Variants in MS4A8 observed in about 807,000 individuals in gnomAD.
The protein encoded by MS4A8 is membrane spanning 4-domains A8.
MS4A8 carries 27 observed loss-of-function variants against 23.7 expected under a neutral mutation model. The ratio of observed to expected loss-of-function variants is 1.14; its 90% confidence interval spans 0.84 to 1.57. MS4A8 has a LOEUF of 1.57. Ranked by LOEUF, MS4A8 falls within the 40% of genes most tolerant of loss-of-function variation. The pLI is 0.00. For missense variants in MS4A8, 301 were observed against 311.4 expected, an observed-to-expected ratio of 0.97 and a Z score of 0.25; for synonymous variants, 138 against 126.3, an observed-to-expected ratio of 1.09 and a Z score of -0.62.
chr11:60,707,805 T>A (rs989904447), intron 4 of MS4A8, among the ~76,000 whole-genome samples: 1 of 133,900 alleles, frequency 7.5e-6, no homozygotes, highest in Non-Finnish European at 1.5e-5. Flanking sequence ...TTTTTCTTTT[T>A]CTTTTTCTTT....
At position 60,715,295 on chromosome 11, in the gene MS4A8, G is replaced by A. The variant is rs775413775; in HGVS notation, c.649-15G>A. On this transcript the variant is annotated splice_polypyrimidine_tract_variant and intron_variant, in intron 6 of 6. Coordinates refer to ENST00000300226, the MANE Select transcript of MS4A8 (RefSeq NM_031457.2). ...GTCCTTCTTAGCATGCCCCCTGTGTGCCTGTGTTTTCCAGGTGAGTGTCAT... is the reference window on the plus strand; with the variant it reads ...GTCCTTCTTAGCATGCCCCCTGTGTACCTGTGTTTTCCAGGTGAGTGTCAT... The A allele has an allele frequency of 5.0e-6, 8 of 1,610,922 alleles. No homozygotes were observed. The South Asian group carries it at 5.5e-5, about 11-fold the overall frequency.
chr11:60,708,536 A>G, intron 4 of MS4A8, 114 bp from the exon 5 acceptor site: 5 of 1,104,388 alleles, frequency 4.5e-6, no homozygotes, highest in African/African-American at 1.6e-5. Flanking sequence ...TATGTTACAT[A>G]TATGTTAACA....
chr11:60,708,913 AC>A, intron 5 of MS4A8, 132 bp downstream of exon 5: 2 of 1,130,544 alleles, frequency 1.8e-6, no homozygotes, highest in South Asian at 2.7e-5. Context: ...CAGCATAGGA[AC>A]AAATTTTAAA....
chr11:60,713,391 A>AG (rs1435168251), intron 5 of MS4A8, among the ~76,000 whole-genome samples: 1 of 150,098 alleles, frequency 6.7e-6, no homozygotes, highest in Non-Finnish European at 1.5e-5. Context: ...CATGGGTAAT[A>AG]GGATAATAGT....
intron 3 of MS4A8, among the ~76,000 whole-genome samples, chr11:60,705,781 G>A (rs1030244011): frequency 2.6e-5 from 4 of 152,212 alleles, no homozygotes; most frequent in Admixed American, 2.0e-4. Flanking sequence ...TGAGGGTTAG[G>A]AACATGGAGT....
intron 5 of MS4A8, chr11:60,712,508 T>G: frequency 2.0e-6 from 2 of 985,050 alleles, no homozygotes; most frequent in Non-Finnish European, 2.4e-6. Context: ...ATTGAGATAA[T>G]TGAGGCCGGT....
intron 2 of MS4A8, among the ~76,000 whole-genome samples, chr11:60,702,645 C>A (rs112355123): frequency 6.6e-6 from 1 of 152,132 alleles, no homozygotes; most frequent in South Asian, 2.1e-4. Flanking sequence ...GTGATCCGCC[C>A]GTCTCAGCTT....
chr11:60,707,398 C>T (rs1373910018), intron 4 of MS4A8, among the ~76,000 whole-genome samples: 1 of 33,844 alleles, frequency 3.0e-5, no homozygotes, highest in Admixed American at 3.0e-4. Context: ...CAGGGCTGCC[C>T]TCTAGCAGAC....
chr11:60,709,168 A>G (rs527417194), intron 5 of MS4A8: 1 of 245,234 alleles, frequency 4.1e-6, no homozygotes, highest in African/African-American at 2.3e-5. Context: ...TTGCAGGCCT[A>G]CAGTCTCTGT....
rs1381643864 is a variant in MS4A8, at chr11:60,699,673, C to T, written c.-104C>T. ...CTTCGGATCCTTCTAACCCTACCACCCAACTGGCCCCAGTACATTCATTCT... is the reference window on the plus strand; with the variant it reads ...CTTCGGATCCTTCTAACCCTACCACTCAACTGGCCCCAGTACATTCATTCT... On this transcript the variant is annotated 5_prime_UTR_variant, in exon 1 of 7. Transcript: ENST00000300226. 1 of 152,272 alleles carries T rather than the reference C, an allele frequency of 6.6e-6. No individual in the cohort carries two copies. The highest frequency in any genetic ancestry group is 1.9e-4 in the East Asian group (1 of 5,182). 9.4% of individuals were successfully genotyped at this position (152,272 alleles called of 1,614,324 possible). A position where few individuals can be genotyped will look rare whatever the true frequency, so the allele number is the denominator to read the frequency against.
chr11:60,703,280 C>T, intron 2 of MS4A8, 98 bp from the exon 3 acceptor site: 4 of 1,327,312 alleles, frequency 3.0e-6, no homozygotes, highest in Middle Eastern at 1.9e-4. Context: ...CTTTTTAGAC[C>T]ATGAAAATAA....
At chr11:60,713,573 C>T (rs7103070) in intron 5 of MS4A8, among the ~76,000 whole-genome samples, 6,978 of 152,254 alleles carry the variant, frequency 0.046, 506 homozygotes, top group African/African-American at 0.16. Context: ...TTTCCCCTAT[C>T]TCAGTAAATG....
chr11:60,701,963 A>T (rs759163233), intron 2 of MS4A8, among the ~76,000 whole-genome samples: 3 of 152,196 alleles, frequency 2.0e-5, no homozygotes, highest in Non-Finnish European at 4.4e-5. Context: ...ACCCCAAGAT[A>T]TGGAGTTAAT....
rs2088276045 is a variant in MS4A8, at chr11:60,708,535, T to C, written c.403-115T>C. 11 of 1,100,054 alleles carry C rather than the reference T, an allele frequency of 1.0e-5. No homozygotes were observed. The South Asian group carries it at 2.0e-4, about 20-fold the overall frequency. 68.1% of individuals were successfully genotyped at this position (1,100,054 alleles called of 1,614,324 possible). A position where few individuals can be genotyped will look rare whatever the true frequency, so the allele number is the denominator to read the frequency against. On this transcript the variant is annotated intron_variant, in intron 4 of 6. Coordinates refer to ENST00000300226, the MANE Select transcript of MS4A8 (RefSeq NM_031457.2). ...TTAGGATGTTAAATTTTATGTTACA[T>C]ATATGTTAACACAATTTTAGAAATT...
Position 60,707,003 on chromosome 11 carries a change from T to A in MS4A8, c.358T>A (p.Ser120Thr). The change falls in exon 4 of 7, where the codon TCT becomes ACT. Residue 120 changes from serine to threonine, a missense_variant. Ser to Thr is a moderately conservative substitution (Grantham distance 58). Transcript: ENST00000300226. The part of the protein sequence containing the change: ...WGGLWFIISG[S>T]LSVAAENQPY... ...TCTGTACCAGTTTATCATTTCAGGA[T>A]CTCTCTCCGTGGCAGCAGAAAATCA... 1 of 1,614,098 alleles carries A rather than the reference T, an allele frequency of 6.2e-7. No individual in the cohort carries two copies. Among genetic ancestry groups the A allele is most frequent in the Non-Finnish European group, 8.5e-7 (1 of 1,179,996 alleles).
intron 3 of MS4A8, among the ~76,000 whole-genome samples, chr11:60,705,637 A>T (rs2088249798): frequency 6.6e-6 from 1 of 152,192 alleles, no homozygotes; most frequent in South Asian, 2.1e-4. Context: ...TGAGCCTGAG[A>T]TTTGTTTTTC....
chr11:60,715,513 G>A lies in MS4A8; in HGVS notation c.*99G>A. On this transcript the variant is annotated 3_prime_UTR_variant, in exon 7 of 7. Coordinates refer to ENST00000300226, the MANE Select transcript of MS4A8 (RefSeq NM_031457.2). The stretch of plus-strand genomic sequence containing the variant: ...AGGTCGTTCCTGTTCTGACAGCTGA[G>A]GAAACGTCTCTCCCACTGTTTGTAC... 2 of 829,954 alleles carry A rather than the reference G, an allele frequency of 2.4e-6. No homozygotes were observed. Among genetic ancestry groups the A allele is most frequent in the East Asian group, 2.6e-5 (1 of 38,314 alleles). 51.4% of individuals were successfully genotyped at this position (829,954 alleles called of 1,614,324 possible).
intron 1 of MS4A8, among the ~76,000 whole-genome samples, chr11:60,700,268 G>A (rs922980809): frequency 3.9e-5 from 6 of 152,188 alleles, no homozygotes; most frequent in South Asian, 2.1e-4. Flanking sequence ...ATGAGAGGCC[G>A]GGTGCGGTGG....
chr11:60,701,820 A>C (rs954684576), intron 2 of MS4A8, among the ~76,000 whole-genome samples: 4 of 152,218 alleles, frequency 2.6e-5, no homozygotes, highest in Non-Finnish European at 4.4e-5. Flanking sequence ...AATATCCATC[A>C]ATATAATACC....
Sources: allele counts gnomAD v4.1 joint callset (sites outside exome capture counted in the v4.1 genomes callset), GRCh38; gene constraint gnomAD v4.1.1; transcripts MANE v1.5; gene names NCBI Gene and HGNC (gene_info 2026-07-23, HGNC 2026-07-21).